OLFM3: variants seen among roughly 807,000 people sequenced by gnomAD.
The protein encoded by OLFM3 is olfactomedin 3.
Under a neutral mutation model 48.6 loss-of-function variants are expected in OLFM3, and 20 were observed. The ratio of observed to expected loss-of-function variants is 0.41; its 90% CI spans 0.29 to 0.60. The LOEUF (loss-of-function observed/expected upper bound fraction) is 0.60. Among genes scored for constraint, OLFM3 ranks in the 20% least tolerant of loss-of-function variants. The pLI is 0.28. For synonymous variants in OLFM3, 222 were observed against 198.1 expected (o/e 1.12, Z -1.01); for missense variants, 437 against 544.3 (o/e 0.80, Z 1.96).
chr1:101,836,244 T>C (rs923477430), intron 2 of OLFM3, among the ~76,000 whole-genome samples: 2 of 152,216 alleles, frequency 1.3e-5, no homozygotes, highest in African/African-American at 2.4e-5. Flanking sequence ...GAACGATTCA[T>C]TGGTTTTCCT....
chr1:101,946,955 T>G (rs1019727475), intron 1 of OLFM3, among the ~76,000 whole-genome samples: 1 of 152,166 alleles, frequency 6.6e-6, no homozygotes, highest in African/African-American at 2.4e-5. Context: ...CAAAATGCCT[T>G]TTGGAAGATA....
intron 1 of OLFM3, among the ~76,000 whole-genome samples, chr1:101,990,361 T>C (rs1661365246): frequency 6.6e-6 from 1 of 152,062 alleles, no homozygotes; most frequent in Non-Finnish European, 1.5e-5. Flanking sequence ...TTATTAGGAG[T>C]CCTTAATATA....
At chr1:101,849,754 C>T (rs927026578) in intron 1 of OLFM3, among the ~76,000 whole-genome samples, 1 of 152,092 alleles carries the variant, frequency 6.6e-6, no homozygotes, top group African/African-American at 2.4e-5. Context: ...AATTGGCAGT[C>T]CTTAGTGACT....
chr1:101,922,249 C>A (rs1659120583), intron 1 of OLFM3, among the ~76,000 whole-genome samples: 1 of 152,098 alleles, frequency 6.6e-6, no homozygotes. Context: ...TTATATGGTT[C>A]TTATTATTAC....
At chr1:101,914,518 A>T (rs1255161923) in intron 1 of OLFM3, among the ~76,000 whole-genome samples, 1 of 152,154 alleles carries the variant, frequency 6.6e-6, no homozygotes, top group African/African-American at 2.4e-5. Flanking sequence ...TCCCACCTAA[A>T]TTTCTCAGTT....
chr1:101,978,685 T>TA (rs1484554276), intron 1 of OLFM3, among the ~76,000 whole-genome samples: 1 of 152,198 alleles, frequency 6.6e-6, no homozygotes, highest in African/African-American at 2.4e-5. Flanking sequence ...ACACCAAACA[T>TA]ATATATGCTC....
At chr1:101,897,355 C>T (rs1658242612) in intron 1 of OLFM3, among the ~76,000 whole-genome samples, 1 of 152,072 alleles carries the variant, frequency 6.6e-6, no homozygotes, top group South Asian at 2.1e-4. Flanking sequence ...TACTAGAATT[C>T]CGACAATTCT....
chr1:101,880,021 T>A (rs1263398999), intron 1 of OLFM3, among the ~76,000 whole-genome samples: 2 of 151,904 alleles, frequency 1.3e-5, no homozygotes, highest in Non-Finnish European at 2.9e-5. Context: ...AGCCCATCTG[T>A]TTTTCTGTAC....
rs895550115 is a variant in OLFM3 at position 101,803,386 on chromosome 1, G to A, written c.*852C>T. 1 of 152,118 alleles carries A rather than the reference G, an allele frequency of 6.6e-6. No individual in the cohort carries two copies. The highest frequency in any genetic ancestry group is 2.4e-5 in the African/African-American group (1 of 41,390). 9.4% of individuals were successfully genotyped at this position (152,118 alleles called of 1,614,324 possible). On this transcript the variant is annotated 3_prime_UTR_variant, in exon 6 of 6. Coordinates refer to ENST00000370103, the MANE Select transcript of OLFM3 (RefSeq NM_058170.4). ...AACTATATGGGTTGCATTCAGTGGA[G>A]TGAACAGAGTAACTCAGTTGTATGA... is the stretch of plus-strand genomic sequence containing the variant.
chr1:101,985,226 C>T (rs534506693), intron 1 of OLFM3, among the ~76,000 whole-genome samples: 3 of 152,210 alleles, frequency 2.0e-5, no homozygotes, highest in Non-Finnish European at 4.4e-5. Context: ...ACTGAGCCTA[C>T]CCAGAACATC....
In OLFM3 at chr1:101,885,512, T is replaced by C. The variant is rs1657717730; in HGVS notation, c.70-48487A>G. 2.0e-5 allele frequency among the ~76,000 whole-genome samples: 3 copies of C among 152,046 alleles called. No individual in the cohort carries two copies. The South Asian group carries it at 6.2e-4, about 31-fold the overall frequency. The stretch of plus-strand genomic sequence containing the variant: ...TACATGGAGAGTGCCTGCCTCTCCT[T>C]TCTCTCCTTCCATCTCCTTCACCTC... On this transcript the variant is annotated intron_variant, in intron 1 of 5. Coordinates refer to ENST00000370103, the MANE Select transcript of OLFM3 (RefSeq NM_058170.4).
intron 4 of OLFM3, among the ~76,000 whole-genome samples, chr1:101,809,405 T>C (rs905733470): frequency 6.6e-5 from 10 of 151,888 alleles, no homozygotes; most frequent in Non-Finnish European, 1.2e-4. Flanking sequence ...TACTGGATGC[T>C]AGAAGACAAT....
At chr1:101,837,825 C>T (rs543248234) in intron 1 of OLFM3, 2 of 151,964 alleles carry the variant, frequency 1.3e-5, no homozygotes, top group Non-Finnish European at 2.9e-5. Flanking sequence ...CTTTTTATGT[C>T]GCTCATTTCA....
intron 1 of OLFM3, among the ~76,000 whole-genome samples, chr1:101,846,644 T>A (rs1656008134): frequency 2.6e-5 from 4 of 152,150 alleles, no homozygotes; most frequent in Admixed American, 1.3e-4. Context: ...CTTTCATAGC[T>A]CATTTCTCAA....
At position 101,825,063 on chromosome 1, in the gene OLFM3, G is replaced by C; in HGVS notation, c.555C>G (p.Ser185Arg). 1 of 1,614,074 alleles carries C rather than the reference G, an allele frequency of 6.2e-7. No individual in the cohort carries two copies. Among genetic ancestry groups the C allele is most frequent in the Non-Finnish European group, 8.5e-7 (1 of 1,179,950 alleles). ...TGCAGTCACGAAGTCTTGTTTCCAAGCTCAGCACTCTTTGGTGTAGTTCCT... is the reference window on the plus strand; with the variant it reads ...TGCAGTCACGAAGTCTTGTTTCCAACCTCAGCACTCTTTGGTGTAGTTCCT... The part of the protein sequence containing the change: ...DYEELHQRVL[S>R]LETRLRDCMK... Residue 185 changes from serine to arginine, a missense_variant, in exon 4 of 6, where the codon AGC becomes AGG. Ser to Arg is a moderately radical substitution (Grantham distance 110, BLOSUM62 -1). Transcript: ENST00000370103.
chr1:101,863,900 A>T (rs576386347), intron 1 of OLFM3, among the ~76,000 whole-genome samples: 1 of 152,318 alleles, frequency 6.6e-6, no homozygotes, highest in East Asian at 1.9e-4. Flanking sequence ...CTTAAATCTC[A>T]TTAAAGATTC....
intron 1 of OLFM3, among the ~76,000 whole-genome samples, chr1:101,888,956 C>A (rs535778901): frequency 0.014 from 2,089 of 152,290 alleles, 46 homozygotes; most frequent in African/African-American, 0.047. Flanking sequence ...AATGAGATAT[C>A]ATCTCACACC....
rs555006573 is a variant in OLFM3, at chr1:101,807,884, C to T, written c.593-1702G>A. ...TAAGCCTATTTAGAATATATAAGCT[C>T]TACTTGGTACAAATACATAAACAAT... On this transcript the variant is annotated intron_variant, in intron 4 of 5. Transcript: ENST00000370103. Among the ~76,000 whole-genome samples the T allele has an allele frequency of 2.6e-5, 4 of 151,796 alleles. No individual in the cohort carries two copies. In the South Asian group the frequency reaches 8.3e-4, roughly 31 times the overall value.
chr1:101,856,598 CTT>C (rs1422728120), intron 1 of OLFM3, among the ~76,000 whole-genome samples: 1 of 151,886 alleles, frequency 6.6e-6, no homozygotes, highest in Non-Finnish European at 1.5e-5. Flanking sequence ...TTTTCTGCTA[CTT>C]AATATTTTTT....
Sources: gnomAD v4.1 joint callset for allele counts (sites outside exome capture counted in the v4.1 genomes callset) on GRCh38, gnomAD v4.1.1 for gene constraint, MANE v1.5 for transcripts, NCBI Gene and HGNC (gene_info 2026-07-23, HGNC 2026-07-21) for gene names.